LYPD6: variants seen among roughly 807,000 people sequenced by gnomAD.
LYPD6 encodes the protein LY6/PLAUR domain containing 6, also known as ly6/PLAUR domain-containing protein 6.
Under a neutral mutation model 22.7 loss-of-function variants are expected in LYPD6, and 15 were observed. The ratio of observed to expected loss-of-function variants is 0.66; its 90% CI spans 0.44 to 1.02. LYPD6 has a LOEUF of 1.02. LYPD6 is among the 50% of genes least tolerant of loss of function. The pLI is 0.00. For missense variants in LYPD6, 189 were observed against 208.4 expected (o/e 0.91, Z 0.57); for synonymous variants, 72 against 77.5 (o/e 0.93, Z 0.37).
chr2:149,394,766 C>T (rs1316031910), intron 1 of LYPD6, among the ~76,000 whole-genome samples: 3 of 152,090 alleles, frequency 2.0e-5, no homozygotes, highest in Admixed American at 6.6e-5. Context: ...TCCTTTCCTT[C>T]CGTTGATACT....
intron 1 of LYPD6, among the ~76,000 whole-genome samples, chr2:149,385,623 T>A (rs1046841854): frequency 4.6e-5 from 7 of 152,214 alleles, no homozygotes; most frequent in African/African-American, 1.4e-4. Context: ...TGACTTTGTA[T>A]AGATACTGGA....
chr2:149,422,465 G>C (rs950124609), intron 1 of LYPD6, among the ~76,000 whole-genome samples: 2 of 152,114 alleles, frequency 1.3e-5, no homozygotes, highest in African/African-American at 4.8e-5. Context: ...TCATGTCCTT[G>C]CTGTAGTGGT....
At chr2:149,382,900 TA>T (rs1682099804) in intron 1 of LYPD6, among the ~76,000 whole-genome samples, 1 of 152,156 alleles carries the variant, frequency 6.6e-6, no homozygotes, top group South Asian at 2.1e-4. Flanking sequence ...TTTGCCTGGA[TA>T]AAAGGCAATA....
At chr2:149,441,171 G>C (rs185598335) in intron 2 of LYPD6, among the ~76,000 whole-genome samples, 3 of 152,214 alleles carry the variant, frequency 2.0e-5, no homozygotes, top group Admixed American at 6.5e-5. Context: ...GGTATCTGTT[G>C]AACATAGACC....
chr2:149,361,138 T>A (rs1251631707), intron 1 of LYPD6, among the ~76,000 whole-genome samples: 2 of 152,188 alleles, frequency 1.3e-5, no homozygotes, highest in Non-Finnish European at 2.9e-5. Context: ...AAGGGTAGAT[T>A]TGAATTCAGG....
Position 149,468,656 on chromosome 2 carries a change from T to A in LYPD6, c.229T>A (p.Cys77Ser). 3 of 1,613,408 alleles carry A rather than the reference T, an allele frequency of 1.9e-6. No homozygotes were observed. Among genetic ancestry groups the A allele is most frequent in the Non-Finnish European group, 2.5e-6 (3 of 1,179,646 alleles). ...TTCTCTGTTGACAGAGACCAGATACTGCTACACTCAGCACACAATGGAAGT... is the reference window on the plus strand; with the variant it reads ...TTCTCTGTTGACAGAGACCAGATACAGCTACACTCAGCACACAATGGAAGT... ...DIYCPRETRY[C>S]YTQHTMEVTG... Residue 77 changes from cysteine to serine, a missense_variant, in exon 4 of 5, where the codon TGC (cysteine) becomes AGC (serine). By Grantham distance (112) the Cys-to-Ser change is moderately radical. Coordinates refer to ENST00000334166, the MANE Select transcript of LYPD6 (RefSeq NM_194317.5).
At position 149,471,034 on chromosome 2, in the gene LYPD6, C is replaced by G. The variant is rs184788637; in HGVS notation, c.*184C>G. On this transcript the variant is annotated 3_prime_UTR_variant, in exon 5 of 5. Coordinates refer to ENST00000334166, the MANE Select transcript of LYPD6 (RefSeq NM_194317.5). Reference sequence around the variant, plus strand: ...TTGCTTCATTGTAGCCATTTTGAGTCTAACCGAGACTCATCAAAGCCTTCT... The same window carrying G: ...TTGCTTCATTGTAGCCATTTTGAGTGTAACCGAGACTCATCAAAGCCTTCT... 1.1e-3 allele frequency: 580 copies of G among 507,204 alleles called. 3 individuals are homozygous for G. The highest frequency in any genetic ancestry group is 0.01 in the African/African-American group (547 of 52,874). The allele number at this position is 507,204 out of a possible 1,614,324, so 31.4% of individuals were successfully genotyped here.
intron 1 of LYPD6, among the ~76,000 whole-genome samples, chr2:149,412,880 A>G (rs542882690): frequency 6.4e-4 from 97 of 152,302 alleles, no homozygotes; most frequent in African/African-American, 2.2e-3. Flanking sequence ...GTGCTAGTTC[A>G]GTGTTTTCCT....
At chr2:149,447,289 A>G (rs908225298) in intron 2 of LYPD6, among the ~76,000 whole-genome samples, 2 of 152,174 alleles carry the variant, frequency 1.3e-5, no homozygotes, top group African/African-American at 4.8e-5. Context: ...CAGAGCTCAA[A>G]TCTCATGTGA....
At chr2:149,452,955 C>A (rs578074049) in intron 3 of LYPD6, among the ~76,000 whole-genome samples, 100 of 152,312 alleles carry the variant, frequency 6.6e-4, no homozygotes, top group African/African-American at 2.3e-3. Context: ...GCGTTCTCCT[C>A]CATTACATTA....
intron 3 of LYPD6, among the ~76,000 whole-genome samples, chr2:149,456,340 A>G (rs1389700702): frequency 2.0e-5 from 3 of 152,140 alleles, no homozygotes; most frequent in East Asian, 3.9e-4. Context: ...CACAAATTGA[A>G]TACTCCATGT....
intron 1 of LYPD6, among the ~76,000 whole-genome samples, chr2:149,432,401 C>T (rs1348906493): frequency 6.6e-6 from 1 of 151,914 alleles, no homozygotes; most frequent in African/African-American, 2.4e-5. Flanking sequence ...ATAAAAGAAA[C>T]CTCAGATTTC....
chr2:149,395,120 T>C (rs1402166183), intron 1 of LYPD6, among the ~76,000 whole-genome samples: 1 of 152,098 alleles, frequency 6.6e-6, no homozygotes, highest in African/African-American at 2.4e-5. Flanking sequence ...TTTTTCCATT[T>C]GAGTAGTCAG....
At chr2:149,399,308 C>T (rs528066017) in intron 1 of LYPD6, among the ~76,000 whole-genome samples, 15 of 152,090 alleles carry the variant, frequency 9.9e-5, no homozygotes, top group African/African-American at 3.1e-4. Flanking sequence ...TTGTTGCAGA[C>T]ATCTTGAATG....
chr2:149,422,201 C>T (rs1683096004), intron 1 of LYPD6, among the ~76,000 whole-genome samples: 1 of 152,140 alleles, frequency 6.6e-6, no homozygotes, highest in African/African-American at 2.4e-5. Context: ...TGTACTATCT[C>T]CTTTAAACCT....
At chr2:149,484,490 A>C in the LYPD6 span, among the ~76,000 whole-genome samples, 6 of 152,236 alleles carry the variant, frequency 3.9e-5, no homozygotes, top group African/African-American at 1.4e-4. Context: ...GATCCTATGG[A>C]AAGACCATAA....
At position 149,456,596 on chromosome 2, in the gene LYPD6, A is replaced by T. The variant is rs147307277; in HGVS notation, c.217+7449A>T. On this transcript the variant is annotated intron_variant, in intron 3 of 4. Transcript: ENST00000334166. ...AGGTCATTCAGGTGGGCCCTGATCC[A>T]GTCTGACAAGCATCCTTATAAGAAG... Among the ~76,000 whole-genome samples, 414 of 152,324 alleles carry T rather than the reference A, an allele frequency of 2.7e-3. 5 individuals carry two copies. Among genetic ancestry groups the T allele is most frequent in the African/African-American group, 8.8e-3 (366 of 41,578 alleles).
At chr2:149,419,061 C>T (rs1267145695) in intron 1 of LYPD6, among the ~76,000 whole-genome samples, 3 of 152,208 alleles carry the variant, frequency 2.0e-5, no homozygotes, top group Non-Finnish European at 4.4e-5. Context: ...TAATAACCTA[C>T]CTCAGAGGGT....
At chr2:149,444,814 C>T (rs1240966308) in intron 2 of LYPD6, among the ~76,000 whole-genome samples, 2 of 152,188 alleles carry the variant, frequency 1.3e-5, no homozygotes, top group Non-Finnish European at 2.9e-5. Flanking sequence ...AAATCAAAGT[C>T]ATCTGTGATG....
Sources: gnomAD v4.1 joint callset for allele counts (sites outside exome capture counted in the v4.1 genomes callset) on GRCh38, gnomAD v4.1.1 for gene constraint, MANE v1.5 for transcripts, NCBI Gene and HGNC (gene_info 2026-07-23, HGNC 2026-07-21) for gene names.